Variants in KCNIP4 observed in about 807,000 individuals in gnomAD.
The protein encoded by KCNIP4 is potassium voltage-gated channel interacting protein 4.
In KCNIP4, 12 loss-of-function variants were observed where a neutral mutation model predicts 34.0. The observed-to-expected ratio is 0.35, with a 90% CI of 0.23 to 0.57. The LOEUF (loss-of-function observed/expected upper bound fraction) is 0.57. KCNIP4 is among the 20% of genes least tolerant of loss of function. KCNIP4 has a pLI of 0.83. For synonymous variants in KCNIP4, 124 were observed against 102.2 expected, an observed-to-expected ratio of 1.21 and a Z score of -1.29; for missense variants, 238 against 311.7, an observed-to-expected ratio of 0.76 and a Z score of 1.78.
intron 1 of KCNIP4, among the ~76,000 whole-genome samples, chr4:21,127,846 C>T (rs905128229): frequency 2.0e-5 from 3 of 152,172 alleles, no homozygotes; most frequent in Admixed American, 6.5e-5. Context: ...TTTTGCTAAG[C>T]ATGCTGTCCC....
At chr4:21,001,379 T>A (rs1316857001) in intron 1 of KCNIP4, among the ~76,000 whole-genome samples, 1 of 152,196 alleles carries the variant, frequency 6.6e-6, no homozygotes, top group African/African-American at 2.4e-5. Context: ...AAAACCCCTT[T>A]AACCTGCCCT....
chr4:21,612,862 C>T (rs544384129), intron 1 of KCNIP4, among the ~76,000 whole-genome samples: 8 of 152,256 alleles, frequency 5.3e-5, no homozygotes, highest in African/African-American at 1.9e-4. Context: ...GTAAAGAGTA[C>T]TATGCAAAAA....
At chr4:20,973,420 G>A (rs1220230673) in intron 1 of KCNIP4, among the ~76,000 whole-genome samples, 1 of 152,224 alleles carries the variant, frequency 6.6e-6, no homozygotes, top group Non-Finnish European at 1.5e-5. Flanking sequence ...TCTGGGTTAA[G>A]TTTTGAATTA....
intron 1 of KCNIP4, chr4:21,730,115 GGAA>G (rs1455867272): frequency 6.6e-6 from 1 of 151,978 alleles, no homozygotes; most frequent in African/African-American, 2.4e-5. Context: ...GTTCCTTGCT[GGAA>G]GAAGATGTCA....
At position 21,555,774 on chromosome 4, in the gene KCNIP4, T is replaced by G. The variant is rs80267964; in HGVS notation, c.61+392797A>C. On this transcript the variant is annotated intron_variant, in intron 1 of 8. Transcript: ENST00000382152. The stretch of plus-strand genomic sequence containing the variant: ...ATATTACTATCTAGAGCATCTAAAG[T>G]GAGAGTCTCTTGTCACACATCTAGA... Among the ~76,000 whole-genome samples, 255 of 152,256 alleles carry G rather than the reference T, an allele frequency of 1.7e-3. 2 individuals carry two copies. In the East Asian group the frequency reaches 0.026, roughly 15 times the overall value.
intron 1 of KCNIP4, chr4:21,850,230 A>G (rs1023043099): frequency 1.3e-5 from 2 of 152,146 alleles, no homozygotes; most frequent in Non-Finnish European, 2.9e-5. Context: ...GAAAGCTATC[A>G]GTCAGGGTCC....
At chr4:21,551,186 T>C (rs1479645898) in intron 1 of KCNIP4, among the ~76,000 whole-genome samples, 1 of 152,168 alleles carries the variant, frequency 6.6e-6, no homozygotes, top group Non-Finnish European at 1.5e-5. Flanking sequence ...AATATCTTTT[T>C]ACTTCTTTAT....
intron 1 of KCNIP4, among the ~76,000 whole-genome samples, chr4:20,928,367 T>C (rs1034793879): frequency 2.0e-5 from 3 of 151,824 alleles, no homozygotes; most frequent in East Asian, 3.9e-4. Context: ...CACATGCTCC[T>C]GAATGACCAA....
chr4:21,117,319 G>A (rs1203067637), intron 1 of KCNIP4, among the ~76,000 whole-genome samples: 2 of 106,014 alleles, frequency 1.9e-5, no homozygotes, highest in African/African-American at 3.1e-5. Flanking sequence ...GGGGGGGGGG[G>A]CGCTGTTTTT....
chr4:21,838,205 A>C (rs1048839079), intron 1 of KCNIP4, among the ~76,000 whole-genome samples: 4 of 152,192 alleles, frequency 2.6e-5, no homozygotes, highest in Non-Finnish European at 4.4e-5. Flanking sequence ...AAAACTCTTT[A>C]ATCTTCAACC....
At chr4:20,796,937 C>T (rs1713555538) in intron 3 of KCNIP4, among the ~76,000 whole-genome samples, 1 of 152,224 alleles carries the variant, frequency 6.6e-6, no homozygotes. Context: ...TTTCCATTTT[C>T]TCTTGAGTAA....
intron 1 of KCNIP4, among the ~76,000 whole-genome samples, chr4:21,833,907 T>C (rs1262368298): frequency 2.0e-5 from 3 of 152,262 alleles, no homozygotes; most frequent in South Asian, 4.1e-4. Context: ...GTTGTAGATA[T>C]GCGGCATTAT....
At chr4:20,976,403 G>A (rs1705571897) in intron 1 of KCNIP4, among the ~76,000 whole-genome samples, 1 of 152,192 alleles carries the variant, frequency 6.6e-6, no homozygotes, top group East Asian at 1.9e-4. Context: ...GCACTTATTG[G>A]CTCCTATTTG....
At chr4:20,758,072 G>C (rs6831950) in intron 4 of KCNIP4, among the ~76,000 whole-genome samples, 2,164 of 152,168 alleles carry the variant, frequency 0.014, 49 homozygotes, top group African/African-American at 0.05. Context: ...TTCCCCCTAC[G>C]TGATCAGCAC....
At chr4:21,018,614 C>T (rs1434435588) in intron 1 of KCNIP4, among the ~76,000 whole-genome samples, 1 of 152,162 alleles carries the variant, frequency 6.6e-6, no homozygotes, top group Non-Finnish European at 1.5e-5. Context: ...ATTGACACTG[C>T]ACGGTGGTCT....
At chr4:21,860,806 C>T (rs1725031254) in intron 1 of KCNIP4, among the ~76,000 whole-genome samples, 1 of 152,144 alleles carries the variant, frequency 6.6e-6, no homozygotes, top group Non-Finnish European at 1.5e-5. Flanking sequence ...ATAACTATGG[C>T]TCCAATAATG....
intron 1 of KCNIP4, among the ~76,000 whole-genome samples, chr4:21,595,009 C>T (rs141515611): frequency 0.031 from 4,735 of 152,116 alleles, 76 homozygotes; most frequent in South Asian, 0.073. Flanking sequence ...TTCTGGGATA[C>T]GTGTGCAGAA....
chr4:21,818,127 G>A (rs549064803), intron 1 of KCNIP4, among the ~76,000 whole-genome samples: 25 of 152,146 alleles, frequency 1.6e-4, no homozygotes, highest in Non-Finnish European at 3.4e-4. Flanking sequence ...CTACCGATAT[G>A]TGATGTCACC....
At position 20,850,598 on chromosome 4, in the gene KCNIP4, G is replaced by A; in HGVS notation, c.233C>T (p.Ala78Val). ...CTCTTTCTTGGTAAATTTGCTCTGG[G>A]CTTCCAGAAGCTCAAGGGCTTCAGG... ...HRPEALELLEAQSKFTKKELQ... is the reference protein window; with the variant it reads ...HRPEALELLEVQSKFTKKELQ... The change falls in exon 3 of 9, where the codon GCC becomes GTC. Residue 78 changes from alanine to valine, a missense_variant. Coordinates refer to ENST00000382152, the MANE Select transcript of KCNIP4 (RefSeq NM_025221.6). 6.2e-7 allele frequency: 1 copy of A among 1,612,774 alleles called. No homozygotes were observed. The highest frequency in any genetic ancestry group is 8.5e-7 in the Non-Finnish European group (1 of 1,179,670).
Sources: gnomAD v4.1 joint callset for allele counts (sites outside exome capture counted in the v4.1 genomes callset) on GRCh38, gnomAD v4.1.1 for gene constraint, MANE v1.5 for transcripts, NCBI Gene and HGNC (gene_info 2026-07-23, HGNC 2026-07-21) for gene names.